The following RNF220 variants were observed in gnomAD, a reference collection of about 807,000 sequenced individuals.
RNF220 encodes ring finger protein 220.
A neutral mutation model predicts 67.1 loss-of-function variants in RNF220; 7 were observed. That is an observed-to-expected ratio of 0.10 (90% CI 0.06 to 0.20). The LOEUF is 0.20. Ranked by LOEUF, RNF220 falls within the 10% of genes least tolerant of loss-of-function variation. The pLI, the probability that RNF220 is intolerant of heterozygous loss-of-function variation, is 1.00. For missense variants in RNF220, 565 were observed against 740.3 expected (o/e 0.76, Z 2.75); for synonymous variants, 270 against 283.2 (o/e 0.95, Z 0.47).
rs868456736 is a variant in RNF220, at chr1:44,557,564, C to T, written c.626-56601C>T. 4.8e-4 allele frequency among the ~76,000 whole-genome samples: 65 copies of T among 136,120 alleles called. No individual in the cohort carries two copies. In the Middle Eastern group the frequency reaches 0.029, roughly 61 times the overall value. The allele number at this position is 136,120 out of a possible 152,430, so 89.3% of individuals were successfully genotyped here. On this transcript the variant is annotated intron_variant, in intron 2 of 14. Transcript: ENST00000361799. ...AAAACTAGGATCATCCATATTCACT[C>T]GTTCATTCATTCATTCATTCACTGA... is the stretch of plus-strand genomic sequence containing the variant.
chr1:44,447,929 G>A (rs552844147), intron 2 of RNF220, among the ~76,000 whole-genome samples: 16 of 152,250 alleles, frequency 1.1e-4, no homozygotes, highest in South Asian at 2.1e-4. Context: ...ACAGCTTTGC[G>A]CGTCGCTTAG....
chr1:44,476,252 G>A (rs1655290421), intron 2 of RNF220, among the ~76,000 whole-genome samples: 1 of 152,316 alleles, frequency 6.6e-6, no homozygotes, highest in South Asian at 2.1e-4. Context: ...GATGCCAACT[G>A]TGAGTAGTCA....
rs191518420 is a variant in RNF220, at chr1:44,465,496, C to T, written c.625+52774C>T. ...TGTTTCAGAGGCTGGCCTCAAACTCCCGGGTTCAGGTGATCCTCCTGCCTC... is the reference window on the plus strand; with the variant it reads ...TGTTTCAGAGGCTGGCCTCAAACTCTCGGGTTCAGGTGATCCTCCTGCCTC... On this transcript the variant is annotated intron_variant, in intron 2 of 14. Coordinates refer to ENST00000361799, the MANE Select transcript of RNF220 (RefSeq NM_018150.4). Among the ~76,000 whole-genome samples the T allele has an allele frequency of 4.8e-3, 734 of 151,514 alleles. 4 individuals are homozygous for T. Among genetic ancestry groups the T allele is most frequent in the Non-Finnish European group, 6.7e-3 (455 of 67,950 alleles).
At chr1:44,523,053 T>C in intron 2 of RNF220, among the ~76,000 whole-genome samples, 1 of 152,172 alleles carries the variant, frequency 6.6e-6, no homozygotes, top group Non-Finnish European at 1.5e-5. Flanking sequence ...TGTTCAAAAA[T>C]AAACACTGCC....
At chr1:44,561,931 G>C (rs1471313369) in intron 2 of RNF220, among the ~76,000 whole-genome samples, 1 of 152,134 alleles carries the variant, frequency 6.6e-6, no homozygotes, top group Admixed American at 6.5e-5. Flanking sequence ...GAGAGAGAGA[G>C]AGAGGAGAGA....
At chr1:44,540,659 A>AT (rs1661602793) in intron 2 of RNF220, among the ~76,000 whole-genome samples, 1 of 152,078 alleles carries the variant, frequency 6.6e-6, no homozygotes, top group African/African-American at 2.4e-5. Flanking sequence ...CCTACATTTG[A>AT]TTTTTATTAG....
At chr1:44,529,368 A>AACAC (rs1237994532) in intron 2 of RNF220, among the ~76,000 whole-genome samples, 2 of 134,808 alleles carry the variant, frequency 1.5e-5, no homozygotes, top group Non-Finnish European at 3.4e-5. Flanking sequence ...CACACACACA[A>AACAC]ACACACACAC....
intron 2 of RNF220, among the ~76,000 whole-genome samples, chr1:44,575,762 T>A (rs756054564): frequency 6.6e-6 from 1 of 152,158 alleles, no homozygotes; most frequent in Non-Finnish European, 1.5e-5. Flanking sequence ...AAACTGAAAA[T>A]AGAACTACCT....
chr1:44,545,125 T>C (rs1438006498), intron 2 of RNF220, among the ~76,000 whole-genome samples: 1 of 152,232 alleles, frequency 6.6e-6, no homozygotes, highest in East Asian at 1.9e-4. Context: ...CCCTTCCATG[T>C]GGCCATGGTC....
In RNF220 at chr1:44,650,907, C is replaced by T. The variant is rs547259095; in HGVS notation, c.*132C>T. On this transcript the variant is annotated 3_prime_UTR_variant, in exon 15 of 15. Transcript: ENST00000361799. The surrounding 1 kb of genome is among the most constrained non-coding windows in gnomAD (Gnocchi z 4.3). Reference sequence around the variant, plus strand: ...ACATACATGCACATACTCAAACATGCGTACACACACACACATTTACACACG... The same window carrying T: ...ACATACATGCACATACTCAAACATGTGTACACACACACACATTTACACACG... 1.2e-3 allele frequency: 927 copies of T among 756,312 alleles called. 14 individuals carry two copies. The highest frequency in any genetic ancestry group is 8.2e-3 in the Middle Eastern group (36 of 4,412). The allele number at this position is 756,312 out of a possible 1,614,324, so 46.9% of individuals were successfully genotyped here.
chr1:44,643,383 T>A (rs2018706), intron 8 of RNF220: 35,606 of 152,130 alleles, frequency 0.23, 5,315 homozygotes, highest in Middle Eastern at 0.33. Context: ...GTGCACATGC[T>A]TGGGGTTTAC....
Position 44,621,954 on chromosome 1 carries a change from G to A in RNF220, c.759-788G>A, listed in dbSNP as rs966389330. Among the ~76,000 whole-genome samples, 3 of 152,196 alleles carry A rather than the reference G, an allele frequency of 2.0e-5. No homozygotes were observed. The highest frequency in any genetic ancestry group is 1.3e-4 in the Admixed American group (2 of 15,284). On this transcript the variant is annotated intron_variant, in intron 3 of 14. Transcript: ENST00000361799. This position sits in a 1 kb window ranked among gnomAD's most constrained non-coding sequence, Gnocchi z 4.8. ...CGAGCACAGATGTGGCAAGCGTAGTGGGGGCAGCAGGCAGGGAGGGACAGG... is the reference window on the plus strand; with the variant it reads ...CGAGCACAGATGTGGCAAGCGTAGTAGGGGCAGCAGGCAGGGAGGGACAGG...
At chr1:44,597,414 T>C (rs1666576643) in intron 2 of RNF220, among the ~76,000 whole-genome samples, 1 of 150,596 alleles carries the variant, frequency 6.6e-6, no homozygotes, top group South Asian at 2.1e-4. Flanking sequence ...ACAGAAAACG[T>C]ACATCCTTCT....
rs114626863 is a variant in RNF220 at position 44,467,951 on chromosome 1, G to A, written c.625+55229G>A. Among the ~76,000 whole-genome samples the A allele has an allele frequency of 5.8e-3, 879 of 152,124 alleles. 6 individuals are homozygous for A. The highest frequency in any genetic ancestry group is 0.02 in the African/African-American group (842 of 41,484). ...AATATCGTTGTGTCTCAGAGAATACGGAGGCCCAAGGAAAGAGATGGGGAA... is the reference window on the plus strand; with the variant it reads ...AATATCGTTGTGTCTCAGAGAATACAGAGGCCCAAGGAAAGAGATGGGGAA... On this transcript the variant is annotated intron_variant, in intron 2 of 14. Coordinates refer to ENST00000361799, the MANE Select transcript of RNF220 (RefSeq NM_018150.4).
Position 44,405,377 on chromosome 1 carries a change from ACTGCTGCTG to A in RNF220, c.-260_-252del. The A allele has an allele frequency of 1.6e-6, 1 of 611,356 alleles. No individual in the cohort carries two copies. The highest frequency in any genetic ancestry group is 2.5e-5 in the Admixed American group (1 of 39,364). The allele number at this position is 611,356 out of a possible 1,614,324, so 37.9% of individuals were successfully genotyped here. ...AACACAAACCCGGGGCCAGCCGCCT[ACTGCTGCTG>A]CTGCTGCTGCCGCTGCCGCCGCCGC... On this transcript the variant is annotated 5_prime_UTR_variant, in exon 1 of 15. Transcript: ENST00000361799.
intron 2 of RNF220, among the ~76,000 whole-genome samples, chr1:44,415,952 G>A (rs1280716557): frequency 6.6e-6 from 1 of 152,202 alleles, no homozygotes; most frequent in Non-Finnish European, 1.5e-5. Flanking sequence ...GTACTGGTAG[G>A]CAGGATTTCT....
intron 5 of RNF220, chr1:44,626,893 T>G (rs1643958923): frequency 6.8e-6 from 1 of 146,058 alleles, no homozygotes; most frequent in South Asian, 2.1e-4. Context: ...AAAAATTAGC[T>G]GGGCATGGTA....
chr1:44,420,326 A>AG (rs1378811705), intron 2 of RNF220, among the ~76,000 whole-genome samples: 1 of 152,244 alleles, frequency 6.6e-6, no homozygotes, highest in Non-Finnish European at 1.5e-5. Flanking sequence ...TTACCAGGCA[A>AG]GAGTTGTCTT....
Position 44,622,675 on chromosome 1 carries a change from C to A in RNF220, c.759-67C>A. ...CTTCTCTGTCTTTGGGGTCTTCTTG[C>A]TACTCTACCGTTGCATGCCCTGGGC... On this transcript the variant is annotated intron_variant, in intron 3 of 14. Coordinates refer to ENST00000361799, the MANE Select transcript of RNF220 (RefSeq NM_018150.4). This position sits in a 1 kb window ranked among gnomAD's most constrained non-coding sequence, Gnocchi z 4.3. 1.4e-6 allele frequency: 2 copies of A among 1,433,224 alleles called. No individual in the cohort carries two copies. Among genetic ancestry groups the A allele is most frequent in the Non-Finnish European group, 2.0e-6 (2 of 1,016,640 alleles). 88.8% of individuals were successfully genotyped at this position (1,433,224 alleles called of 1,614,324 possible). A position where few individuals can be genotyped will look rare whatever the true frequency, so the allele number is the denominator to read the frequency against.
Sources: allele counts gnomAD v4.1 joint callset (sites outside exome capture counted in the v4.1 genomes callset), GRCh38; gene constraint gnomAD v4.1.1; non-coding constraint Gnocchi (gnomAD v3.1); transcripts MANE v1.5; gene names NCBI Gene and HGNC (gene_info 2026-07-23, HGNC 2026-07-21).